EGFR: variants seen among roughly 807,000 people sequenced by gnomAD.
EGFR encodes avian erythroblastic leukemia viral (v-erb-b) oncogene homolog.
EGFR carries 58 observed loss-of-function variants against 143.0 expected under a neutral mutation model. The observed-to-expected ratio is 0.41, with a 90% CI of 0.33 to 0.50. The LOEUF (loss-of-function observed/expected upper bound fraction) is 0.50. Ranked by LOEUF, EGFR falls within the 20% of genes least tolerant of loss-of-function variation. The pLI, the probability that EGFR is intolerant of heterozygous loss-of-function variation, is 0.39. For missense variants in EGFR, 1,307 were observed against 1,579.0 expected (o/e 0.83, Z 2.92); for synonymous variants, 613 against 594.4 (o/e 1.03, Z -0.45).
At chr7:55,040,000 C>T (rs1015091052) in intron 1 of EGFR, among the ~76,000 whole-genome samples, 5 of 152,214 alleles carry the variant, frequency 3.3e-5, no homozygotes, top group Admixed American at 2.6e-4. Flanking sequence ...TGACAGTTCT[C>T]TTACTATACA....
chr7:55,139,890 A>G (rs1794363701), intron 1 of EGFR, among the ~76,000 whole-genome samples: 1 of 152,146 alleles, frequency 6.6e-6, no homozygotes, highest in Non-Finnish European at 1.5e-5. Flanking sequence ...TAATGTTGTT[A>G]CTGTCTCCCA....
At chr7:55,151,135 G>A (rs1490055370) in intron 4 of EGFR, among the ~76,000 whole-genome samples, 159 bp from the exon 5 acceptor site, 1 of 152,188 alleles carries the variant, frequency 6.6e-6, no homozygotes, top group African/African-American at 2.4e-5. Context: ...TCTTATCGGG[G>A]TCTCAAGTGA....
intron 19 of EGFR, chr7:55,180,926 A>T: frequency 2.8e-6 from 1 of 361,588 alleles, no homozygotes; most frequent in Non-Finnish European, 5.2e-6. Context: ...TTTAAAACAC[A>T]GCATCCTCAA....
Position 55,128,917 on chromosome 7 carries a change from A to G in EGFR, c.89-13369A>G, listed in dbSNP as rs999669174. ...TTTTCATTACTCAACTGCCATATTC[A>G]TTATTACACTGTACAGAAAAGGGAA... On this transcript the variant is annotated intron_variant, in intron 1 of 27. Transcript: ENST00000275493. Among the ~76,000 whole-genome samples the G allele has an allele frequency of 2.0e-5, 3 of 152,236 alleles. No homozygotes were observed. In the East Asian group the frequency reaches 5.8e-4, roughly 29 times the overall value.
In EGFR at chr7:55,210,197, T is replaced by G. The variant is rs926512779; in HGVS notation, c.*4580T>G. 3 of 152,212 alleles carry G rather than the reference T, an allele frequency of 2.0e-5. No homozygotes were observed. The highest frequency in any genetic ancestry group is 7.2e-5 in the African/African-American group (3 of 41,450). 9.4% of individuals were successfully genotyped at this position (152,212 alleles called of 1,614,324 possible). On this transcript the variant is annotated 3_prime_UTR_variant, in exon 28 of 28. Coordinates refer to ENST00000275493, the MANE Select transcript of EGFR (RefSeq NM_005228.5). Reference sequence around the variant, plus strand: ...GTAAGAAAAGCAATAACATAGCACTTTGTTGGTTTATATATATAATGTGAC... The same window carrying G: ...GTAAGAAAAGCAATAACATAGCACTGTGTTGGTTTATATATATAATGTGAC...
chr7:55,101,909 C>T (rs1256652205), intron 1 of EGFR, among the ~76,000 whole-genome samples: 1 of 152,166 alleles, frequency 6.6e-6, no homozygotes, highest in Non-Finnish European at 1.5e-5. Context: ...CATCCCTTTT[C>T]CACGCAGCCC....
intron 21 of EGFR, 78 bp from the exon 22 acceptor site, chr7:55,192,688 A>C: frequency 7.6e-7 from 1 of 1,309,046 alleles, no homozygotes; most frequent in South Asian, 1.2e-5. Context: ...ACTCGTAATT[A>C]GGTCCAGAGT....
At chr7:55,033,960 G>T (rs1305957752) in intron 1 of EGFR, among the ~76,000 whole-genome samples, 1 of 152,046 alleles carries the variant, frequency 6.6e-6, no homozygotes, top group Admixed American at 6.5e-5. Context: ...TTACTATGAC[G>T]ACTGTGACTG....
chr7:55,107,006 A>G (rs768206248), intron 1 of EGFR, among the ~76,000 whole-genome samples: 1 of 152,204 alleles, frequency 6.6e-6, no homozygotes, highest in Non-Finnish European at 1.5e-5. Flanking sequence ...GTGCCTTCCC[A>G]AGCAAAATTA....
chr7:55,201,284 G>A lies in EGFR; in HGVS notation c.3043G>A (p.Glu1015Lys), dbSNP rs1302295057. The A allele has an allele frequency of 3.5e-5, 57 of 1,614,116 alleles. No individual in the cohort carries two copies. The highest frequency in any genetic ancestry group is 4.5e-5 in the Non-Finnish European group (53 of 1,180,022). ...CATGGACGACGTGGTGGATGCCGAC[G>A]AGTACCTCATCCCACAGCAGGGCTT... ...EDMDDVVDADEYLIPQQGFFS... is the reference protein window; with the variant it reads ...EDMDDVVDADKYLIPQQGFFS... Residue 1015 changes from glutamate to lysine, a missense_variant, in exon 25 of 28, where the codon GAG (glutamate) becomes AAG (lysine). Glu to Lys is a moderately conservative substitution (Grantham distance 56). Around this residue, in one of 7 missense-constraint regions of EGFR, gnomAD observed 313 missense variants for 312.3 expected, o/e 1.00. Transcript: ENST00000275493.
chr7:55,041,781 C>T (rs371815968), intron 1 of EGFR, among the ~76,000 whole-genome samples: 1 of 152,282 alleles, frequency 6.6e-6, no homozygotes, highest in East Asian at 1.9e-4. Flanking sequence ...GTGAGCGTGA[C>T]AAGTGTTTTC....
At chr7:55,054,639 C>T (rs889358446) in intron 1 of EGFR, among the ~76,000 whole-genome samples, 3 of 152,238 alleles carry the variant, frequency 2.0e-5, no homozygotes, top group African/African-American at 7.2e-5. Flanking sequence ...TGTTCAAAAG[C>T]AAGACACTCT....
intron 1 of EGFR, among the ~76,000 whole-genome samples, chr7:55,037,483 G>C (rs111595145): frequency 0.033 from 5,007 of 152,296 alleles, 182 homozygotes; most frequent in African/African-American, 0.09. Context: ...ACGTAGCTTT[G>C]CAGCACTCTT....
intron 1 of EGFR, among the ~76,000 whole-genome samples, chr7:55,026,448 A>G (rs1007772189): frequency 6.6e-6 from 1 of 152,204 alleles, no homozygotes; most frequent in African/African-American, 2.4e-5. Context: ...CAAGCCCCTC[A>G]TTCTAAAGTT....
At chr7:55,178,617 T>C (rs1223857719) in intron 19 of EGFR, among the ~76,000 whole-genome samples, 1 of 152,194 alleles carries the variant, frequency 6.6e-6, no homozygotes, top group Non-Finnish European at 1.5e-5. Flanking sequence ...TACAGTGACC[T>C]CAGACAAAAT....
At chr7:55,042,566 T>A (rs1787955743) in intron 1 of EGFR, among the ~76,000 whole-genome samples, 1 of 152,118 alleles carries the variant, frequency 6.6e-6, no homozygotes, top group Non-Finnish European at 1.5e-5. Context: ...GCAGCATGGA[T>A]GTGGGAAAAA....
chr7:55,058,053 C>A (rs1788932964), intron 1 of EGFR, among the ~76,000 whole-genome samples: 1 of 152,202 alleles, frequency 6.6e-6, no homozygotes, highest in South Asian at 2.1e-4. Flanking sequence ...ATTTGACCCA[C>A]CAATCTCATT....
intron 22 of EGFR, among the ~76,000 whole-genome samples, chr7:55,196,195 C>CTTTTTTTTTTTTTT (rs1331766673): frequency 4.5e-3 from 248 of 55,266 alleles, no homozygotes; most frequent in Middle Eastern, 0.011. Flanking sequence ...TTTTTTTTTA[C>CTTTTTTTTTTTTTT]TTTTCAATAA....
Position 55,108,764 on chromosome 7 carries a change from C to A in EGFR, c.89-33522C>A, listed in dbSNP as rs147161807. ...AGCACAGTCACTCCAAACCGAAATT[C>A]GATTTAATCTGTAGGACTCCAGGTG... On this transcript the variant is annotated intron_variant, in intron 1 of 27. Coordinates refer to ENST00000275493, the MANE Select transcript of EGFR (RefSeq NM_005228.5). Among the ~76,000 whole-genome samples, 9 of 152,228 alleles carry A rather than the reference C, an allele frequency of 5.9e-5. No homozygotes were observed. In the South Asian group the frequency reaches 1.9e-3, roughly 32 times the overall value.
Sources: gnomAD v4.1 joint callset for allele counts (sites outside exome capture counted in the v4.1 genomes callset) on GRCh38, gnomAD v4.1.1 for gene constraint, gnomAD v4.1.1 regional missense constraint, MANE v1.5 for transcripts, NCBI Gene and HGNC (gene_info 2026-07-23, HGNC 2026-07-21) for gene names.